SSBP3: variants seen among roughly 807,000 people sequenced by gnomAD.
The protein encoded by SSBP3 is single stranded DNA binding protein 3, also known as single-stranded DNA-binding protein 3.
Under a neutral mutation model 69.6 loss-of-function variants are expected in SSBP3, and 5 were observed. The ratio of observed to expected loss-of-function variants is 0.07; its 90% confidence interval spans 0.04 to 0.15. SSBP3 has a LOEUF of 0.15. Among genes scored for constraint, SSBP3 ranks in the 10% least tolerant of loss-of-function variants. The probability of loss-of-function intolerance (pLI) is 1.00; values close to 1 mark genes in which losing one functional copy is unlikely to be tolerated. For synonymous variants in SSBP3, 196 were observed against 193.4 expected, an observed-to-expected ratio of 1.01 and a Z score of -0.11; for missense variants, 312 against 534.0, an observed-to-expected ratio of 0.58 and a Z score of 4.10.
chr1:54,411,688 C>A (rs535740981), intron 1 of SSBP3, among the ~76,000 whole-genome samples: 9 of 151,788 alleles, frequency 5.9e-5, no homozygotes, highest in Non-Finnish European at 1.0e-4. Flanking sequence ...GTCAGGAAAT[C>A]GAGACCATCC....
chr1:54,267,897 C>G (rs1645128634), intron 5 of SSBP3, among the ~76,000 whole-genome samples: 1 of 152,132 alleles, frequency 6.6e-6, no homozygotes, highest in Non-Finnish European at 1.5e-5. Context: ...AGCCAGCTCT[C>G]TTTATTAAAA....
chr1:54,381,981 G>C (rs1647690500), intron 4 of SSBP3, among the ~76,000 whole-genome samples: 2 of 152,216 alleles, frequency 1.3e-5, no homozygotes, highest in East Asian at 3.9e-4. Context: ...ATCATCTGAA[G>C]TCAGGAGTTC....
intron 4 of SSBP3, among the ~76,000 whole-genome samples, chr1:54,342,090 G>C (rs1646618632): frequency 6.6e-6 from 1 of 152,208 alleles, no homozygotes; most frequent in South Asian, 2.1e-4. Context: ...GTCTGGATCT[G>C]GGCAAAGTTT....
intron 14 of SSBP3, among the ~76,000 whole-genome samples, chr1:54,231,816 TCCCAGGTAG>T (rs937172730): frequency 3.9e-5 from 6 of 152,216 alleles, no homozygotes; most frequent in African/African-American, 1.4e-4. Flanking sequence ...TGCGTCAGCC[TCCCAGGTAG>T]CTGGGACTAC....
chr1:54,296,435 T>C (rs575525497), intron 4 of SSBP3, among the ~76,000 whole-genome samples: 2 of 152,382 alleles, frequency 1.3e-5, no homozygotes, highest in South Asian at 4.1e-4. Context: ...GCCATTGCCA[T>C]GGTCCTCTCT....
intron 4 of SSBP3, among the ~76,000 whole-genome samples, chr1:54,346,984 A>AT (rs1193713512): frequency 6.6e-6 from 1 of 151,808 alleles, no homozygotes; most frequent in Non-Finnish European, 1.5e-5. Flanking sequence ...ACATTTTAAA[A>AT]TTTTTTTCAG....
intron 4 of SSBP3, among the ~76,000 whole-genome samples, chr1:54,379,594 C>T (rs1328304188): frequency 6.6e-6 from 1 of 152,214 alleles, no homozygotes; most frequent in African/African-American, 2.4e-5. Context: ...AATCTGACAT[C>T]CACGCCCAGG....
At chr1:54,403,290 T>C (rs1649437520) in intron 3 of SSBP3, among the ~76,000 whole-genome samples, 1 of 152,166 alleles carries the variant, frequency 6.6e-6, no homozygotes, top group South Asian at 2.1e-4. Context: ...AGAACATTCC[T>C]TTCTGTCTTC....
At chr1:54,332,257 G>C (rs1338171951) in intron 4 of SSBP3, among the ~76,000 whole-genome samples, 2 of 152,190 alleles carry the variant, frequency 1.3e-5, no homozygotes, top group African/African-American at 4.8e-5. Flanking sequence ...AGGAGCAGTA[G>C]GTGAAAGGAC....
At chr1:54,372,598 C>G (rs571817536) in intron 4 of SSBP3, among the ~76,000 whole-genome samples, 1 of 152,314 alleles carries the variant, frequency 6.6e-6, no homozygotes, top group East Asian at 1.9e-4. Context: ...TCTGCATCCC[C>G]CTAGTGCCAT....
At chr1:54,271,307 G>T (rs1451379045) in intron 5 of SSBP3, among the ~76,000 whole-genome samples, 4 of 151,956 alleles carry the variant, frequency 2.6e-5, no homozygotes, top group Admixed American at 6.6e-5. Context: ...TAGAGACAGG[G>T]TCTATGTTGC....
At chr1:54,339,983 C>T (rs1009461863) in intron 4 of SSBP3, among the ~76,000 whole-genome samples, 1 of 152,070 alleles carries the variant, frequency 6.6e-6, no homozygotes, top group East Asian at 1.9e-4. Context: ...GCATCATATA[C>T]TAATGCTGGA....
intron 4 of SSBP3, among the ~76,000 whole-genome samples, chr1:54,353,034 C>A (rs1229755616): frequency 6.6e-6 from 1 of 152,120 alleles, no homozygotes; most frequent in Non-Finnish European, 1.5e-5. Flanking sequence ...GCGGCCCGAC[C>A]GGACAGCGCC....
chr1:54,321,400 C>T (rs1286201127), intron 4 of SSBP3, among the ~76,000 whole-genome samples: 2 of 152,256 alleles, frequency 1.3e-5, no homozygotes, highest in Admixed American at 6.5e-5. Context: ...GGTCAAGTGG[C>T]TGGGTGGTAT....
intron 14 of SSBP3, among the ~76,000 whole-genome samples, chr1:54,233,963 A>C (rs539576189): frequency 1.5e-3 from 227 of 152,316 alleles, no homozygotes; most frequent in African/African-American, 5.3e-3. Context: ...GTCTGTGTAG[A>C]AAGTAGACAT....
intron 5 of SSBP3, among the ~76,000 whole-genome samples, chr1:54,264,661 G>A (rs1645070328): frequency 6.6e-6 from 1 of 152,234 alleles, no homozygotes; most frequent in Admixed American, 6.5e-5. Context: ...GGGGAGTATA[G>A]GCTATGATTC....
intron 4 of SSBP3, among the ~76,000 whole-genome samples, chr1:54,332,381 G>A (rs1646432463): frequency 6.6e-6 from 1 of 152,196 alleles, no homozygotes; most frequent in Non-Finnish European, 1.5e-5. Context: ...GGGTGGGAGT[G>A]TGGAGAGGAT....
At chr1:54,336,175 C>A (rs1474491432) in intron 4 of SSBP3, among the ~76,000 whole-genome samples, 1 of 152,250 alleles carries the variant, frequency 6.6e-6, no homozygotes, top group Non-Finnish European at 1.5e-5. Flanking sequence ...ACTTCTTAAA[C>A]TTCTAACTAT....
At chr1:54,373,800 C>T (rs1647174416) in intron 4 of SSBP3, among the ~76,000 whole-genome samples, 1 of 149,006 alleles carries the variant, frequency 6.7e-6, no homozygotes, top group Non-Finnish European at 1.5e-5. Context: ...GAATGCCTCT[C>T]GGCACACCAG....
Sources: allele counts gnomAD v4.1 joint callset (sites outside exome capture counted in the v4.1 genomes callset), GRCh38; gene constraint gnomAD v4.1.1; transcripts MANE v1.5; gene names NCBI Gene and HGNC (gene_info 2026-07-23, HGNC 2026-07-21).